NR5A2: variants seen among roughly 807,000 people sequenced by gnomAD.
NR5A2 encodes the protein nuclear receptor subfamily 5 group A member 2, also known as CYP7A promoter-binding factor.
A neutral mutation model predicts 62.7 loss-of-function variants in NR5A2; 26 were observed. That is an observed-to-expected ratio of 0.41 (90% CI 0.30 to 0.58). NR5A2 has a LOEUF of 0.58. NR5A2 is among the 20% of genes least tolerant of loss of function. NR5A2 has a pLI of 0.22. For synonymous variants in NR5A2, 246 were observed against 241.7 expected (o/e 1.02, Z -0.16); for missense variants, 541 against 669.1 (o/e 0.81, Z 2.11).
Position 200,039,712 on chromosome 1 carries a change from T to C in NR5A2, c.119T>C (p.Val40Ala), listed in dbSNP as rs1228952924. The C allele has an allele frequency of 5.6e-6, 9 of 1,612,024 alleles. No homozygotes were observed. The highest frequency in any genetic ancestry group is 7.6e-6 in the Non-Finnish European group (9 of 1,179,108). Residue 40 changes from valine to alanine, a missense_variant, in exon 2 of 8, where the codon GTC (valine) becomes GCC (alanine). Transcript: ENST00000367362. The surrounding 1 kb of genome is among the most constrained non-coding windows in gnomAD (Gnocchi z 5.1). ...CCCATCCCCGCCCGCGGTCGCCTTG[T>C]CATGCTGCCCAAAGTGGAGACGGAA... ...GSPIPARGRL[V>A]MLPKVETEAL...
At chr1:200,165,398 A>T (rs1251583912) in intron 7 of NR5A2, among the ~76,000 whole-genome samples, 2 of 152,130 alleles carry the variant, frequency 1.3e-5, no homozygotes, top group Admixed American at 1.3e-4. Context: ...CTCGCTGTTG[A>T]TGTTGTACAT....
intron 5 of NR5A2, among the ~76,000 whole-genome samples, chr1:200,089,497 AT>A (rs972232894): frequency 1.4e-5 from 2 of 143,808 alleles, no homozygotes; most frequent in Non-Finnish European, 3.0e-5. Flanking sequence ...TTGAGAAGGA[AT>A]CACACTCTGT....
chr1:200,031,517 AAAAAC>A lies in NR5A2; in HGVS notation c.64+3631_64+3635del, dbSNP rs532330778. The stretch of plus-strand genomic sequence containing the variant: ...GCAACAAAGTGAGACCCTATCTCAA[AAAAAC>A]AAAACAAAACAAAACAAAACAAAAA... On this transcript the variant is annotated intron_variant, in intron 1 of 7. Transcript: ENST00000367362. Among the ~76,000 whole-genome samples, 134 of 152,042 alleles carry A rather than the reference AAAAAC, an allele frequency of 8.8e-4. No homozygotes were observed. In the East Asian group the frequency reaches 0.017, roughly 19 times the overall value.
chr1:200,053,571 A>G (rs28657755), intron 5 of NR5A2, among the ~76,000 whole-genome samples: 5,806 of 70,686 alleles, frequency 0.082, 250 homozygotes, highest in African/African-American at 0.29. Context: ...ATGCACACGC[A>G]CACACACACA....
intron 7 of NR5A2, among the ~76,000 whole-genome samples, chr1:200,130,071 T>TTTGTG (rs1343493297): frequency 6.6e-6 from 1 of 152,102 alleles, no homozygotes; most frequent in Non-Finnish European, 1.5e-5. Flanking sequence ...ACTTGTTGAG[T>TTTGTG]TTGTGTTGTG....
Position 200,174,233 on chromosome 1 carries a change from C to A in NR5A2, c.*23C>A. The stretch of plus-strand genomic sequence containing the variant: ...TAAGTTACAACCCCTAGGAGCTCTG[C>A]TTTCAAAACAAAAAGAGATTGGGGG... On this transcript the variant is annotated 3_prime_UTR_variant, in exon 8 of 8. Transcript: ENST00000367362. 6.7e-7 allele frequency: 1 copy of A among 1,493,874 alleles called. No individual in the cohort carries two copies. Among genetic ancestry groups the A allele is most frequent in the Non-Finnish European group, 8.9e-7 (1 of 1,118,928 alleles). The allele number at this position is 1,493,874 out of a possible 1,614,324, so 92.5% of individuals were successfully genotyped here. A position where few individuals can be genotyped will look rare whatever the true frequency, so the allele number is the denominator to read the frequency against.
At chr1:200,052,693 G>C (rs184248780) in intron 5 of NR5A2, among the ~76,000 whole-genome samples, 5 of 151,732 alleles carry the variant, frequency 3.3e-5, no homozygotes, top group Admixed American at 2.6e-4. Flanking sequence ...CCAGGTTGGA[G>C]TGCAGTGGTG....
chr1:200,169,913 G>T (rs927168783), intron 7 of NR5A2, among the ~76,000 whole-genome samples: 2 of 152,168 alleles, frequency 1.3e-5, no homozygotes, highest in South Asian at 2.1e-4. Context: ...TTGCAATCCA[G>T]CCTAAAATGC....
intron 3 of NR5A2, among the ~76,000 whole-genome samples, chr1:200,045,070 C>G (rs553236388): frequency 1.3e-5 from 2 of 151,858 alleles, no homozygotes; most frequent in South Asian, 4.2e-4. Flanking sequence ...TATCAGACTA[C>G]TTAAAAACAA....
intron 7 of NR5A2, among the ~76,000 whole-genome samples, chr1:200,164,405 T>C (rs887551493): frequency 6.6e-6 from 1 of 152,236 alleles, no homozygotes; most frequent in Admixed American, 6.5e-5. Context: ...GTTCTGGTCT[T>C]CCTGATGAGT....
chr1:200,067,795 C>CA (rs1221233741), intron 5 of NR5A2, among the ~76,000 whole-genome samples: 1 of 152,124 alleles, frequency 6.6e-6, no homozygotes, highest in East Asian at 1.9e-4. Flanking sequence ...TAAAAACACA[C>CA]AAAAAAGACT....
chr1:200,161,108 C>T (rs1359438252), intron 7 of NR5A2, among the ~76,000 whole-genome samples: 3 of 152,068 alleles, frequency 2.0e-5, no homozygotes, highest in Admixed American at 2.0e-4. Flanking sequence ...CCAAGACCAG[C>T]CAAGGCAGCT....
At chr1:200,159,386 C>T (rs1487503976) in intron 7 of NR5A2, among the ~76,000 whole-genome samples, 2 of 152,118 alleles carry the variant, frequency 1.3e-5, no homozygotes, top group South Asian at 2.1e-4. Context: ...ATGAAACCAA[C>T]TCATTGCAAA....
chr1:200,041,763 T>A (rs914781218), intron 2 of NR5A2, among the ~76,000 whole-genome samples: 18 of 152,188 alleles, frequency 1.2e-4, no homozygotes, highest in African/African-American at 4.1e-4. Context: ...CAGCAGCGTC[T>A]CCCTACTCAG....
At chr1:200,111,111 T>G in intron 5 of NR5A2, 91 bp from the exon 6 acceptor site, 1 of 1,460,300 alleles carries the variant, frequency 6.8e-7, no homozygotes, top group Non-Finnish European at 9.2e-7. Flanking sequence ...TGTAGTCCTC[T>G]TATGTTGAAA....
intron 7 of NR5A2, among the ~76,000 whole-genome samples, chr1:200,125,251 A>T (rs1394348369): frequency 6.6e-6 from 1 of 152,258 alleles, no homozygotes; most frequent in Admixed American, 6.5e-5. Context: ...CTTTCAGCCC[A>T]TGTTAAGTAA....
In NR5A2 at chr1:200,051,110, G is replaced by A. The variant is rs574652654; in HGVS notation, c.1110+2292G>A. Among the ~76,000 whole-genome samples, 5 of 152,172 alleles carry A rather than the reference G, an allele frequency of 3.3e-5. No individual in the cohort carries two copies. In the South Asian group the frequency reaches 1.0e-3, roughly 32 times the overall value. On this transcript the variant is annotated intron_variant, in intron 5 of 7. Transcript: ENST00000367362. ...TTAAGGACCTAAAATTGGCCAAGGG[G>A]TAAGTTGGGTATAAGGTAAAAACAA...
At chr1:200,080,810 G>T (rs555385075) in intron 5 of NR5A2, among the ~76,000 whole-genome samples, 1 of 152,280 alleles carries the variant, frequency 6.6e-6, no homozygotes, top group South Asian at 2.1e-4. Flanking sequence ...TTCATTCTTG[G>T]ATGAGAGGCA....
At chr1:200,067,761 AC>A (rs1663559335) in intron 5 of NR5A2, among the ~76,000 whole-genome samples, 1 of 152,152 alleles carries the variant, frequency 6.6e-6, no homozygotes, top group Non-Finnish European at 1.5e-5. Context: ...CTTCACATGT[AC>A]CCCCGAACCT....
Sources: allele counts gnomAD v4.1 joint callset (sites outside exome capture counted in the v4.1 genomes callset), GRCh38; gene constraint gnomAD v4.1.1; non-coding constraint Gnocchi (gnomAD v3.1); transcripts MANE v1.5; gene names NCBI Gene and HGNC (gene_info 2026-07-23, HGNC 2026-07-21).